Variants in ADGRL2 observed in about 807,000 individuals in gnomAD.
ADGRL2 encodes the protein calcium-independent alpha-latrotoxin receptor 2.
A neutral mutation model predicts 157.4 loss-of-function variants in ADGRL2; 44 were observed. That is an observed-to-expected ratio of 0.28 (90% CI 0.22 to 0.36). The LOEUF (loss-of-function observed/expected upper bound fraction) is 0.36, where lower values mean the gene tolerates loss of function less well. Among genes scored for constraint, ADGRL2 ranks in the 10% least tolerant of loss-of-function variants. The pLI, the probability that ADGRL2 is intolerant of heterozygous loss-of-function variation, is 1.00. For missense variants in ADGRL2, 1,510 were observed against 1,768.9 expected (o/e 0.85, Z 2.63); for synonymous variants, 585 against 624.7 (o/e 0.94, Z 0.95).
At chr1:81,697,928 A>G (rs375499273), upstream of ADGRL2, among the ~76,000 whole-genome samples, 2 of 152,252 alleles carry the variant, frequency 1.3e-5, no homozygotes, top group Admixed American at 6.5e-5. Context: ...TGTATTTTGC[A>G]TAATTAGACC....
chr1:81,463,632 T>C (rs528164271), intron 2 of ADGRL2, among the ~76,000 whole-genome samples: 2 of 152,344 alleles, frequency 1.3e-5, no homozygotes, highest in East Asian at 3.9e-4. Context: ...TCTTGTTTTA[T>C]GTGTCGTGGA....
At chr1:81,787,017 G>T (rs1444410570) in intron 2 of ADGRL2, among the ~76,000 whole-genome samples, 5 of 152,056 alleles carry the variant, frequency 3.3e-5, no homozygotes, top group Non-Finnish European at 7.4e-5. Context: ...TGTTCTCGTG[G>T]TAGTGAATAA....
intron 2 of ADGRL2, among the ~76,000 whole-genome samples, chr1:81,882,178 C>T (rs988286232): frequency 6.6e-6 from 1 of 152,092 alleles, no homozygotes; most frequent in Admixed American, 6.6e-5. Flanking sequence ...ATTAAAAAAT[C>T]AGCTTGGTGT....
intron 1 of ADGRL2, among the ~76,000 whole-genome samples, chr1:81,742,032 A>C (rs1454619597): frequency 4.6e-5 from 7 of 151,938 alleles, no homozygotes; most frequent in Admixed American, 4.6e-4. Context: ...CCCTAGGTTT[A>C]CATTAGCATG....
intron 3 of ADGRL2, among the ~76,000 whole-genome samples, chr1:81,614,485 C>G (rs889142495): frequency 3.3e-5 from 5 of 152,092 alleles, no homozygotes; most frequent in Non-Finnish European, 7.3e-5. Flanking sequence ...TTCTTTATTG[C>G]ATAGAAAGTA....
intron 1 of ADGRL2, among the ~76,000 whole-genome samples, chr1:81,408,500 C>A (rs1346382818): frequency 7.8e-6 from 1 of 128,914 alleles, no homozygotes; most frequent in Non-Finnish European, 1.7e-5. Context: ...AGCGTACAAA[C>A]CACATTAATT....
chr1:81,474,925 G>A (rs1015369193), intron 2 of ADGRL2, among the ~76,000 whole-genome samples: 5 of 152,026 alleles, frequency 3.3e-5, no homozygotes, highest in African/African-American at 1.2e-4. Context: ...CATAACTCTG[G>A]CAAAGATTTA....
chr1:81,313,263 G>A (rs1037063055), intron 1 of ADGRL2, among the ~76,000 whole-genome samples: 6 of 152,182 alleles, frequency 3.9e-5, no homozygotes, highest in Non-Finnish European at 8.8e-5. Context: ...CTAACAAAGT[G>A]AGGCTTAAAA....
At chr1:81,731,146 C>G (rs1219983734) in intron 1 of ADGRL2, among the ~76,000 whole-genome samples, 2 of 152,174 alleles carry the variant, frequency 1.3e-5, no homozygotes, top group Non-Finnish European at 2.9e-5. Context: ...AGCCTCCCTC[C>G]TGCTAGGGTC....
At position 81,969,945 on chromosome 1, in the gene ADGRL2, C is replaced by T. The variant is rs187527655; in HGVS notation, c.2734-369C>T. 6.1e-4 allele frequency among the ~76,000 whole-genome samples: 93 copies of T among 152,194 alleles called. 2 individuals carry two copies. In the East Asian group the frequency reaches 0.017, roughly 28 times the overall value. ...AGAAATAATATATTTGCAAACAACA[C>T]TTTTAAAGACTTGTGAAGCAAATCA... On this transcript the variant is annotated intron_variant, in intron 15 of 23. Coordinates refer to ENST00000686636, the MANE Select transcript of ADGRL2 (RefSeq NM_001366006.2).
At chr1:81,431,079 A>G (rs1054473513) in intron 1 of ADGRL2, among the ~76,000 whole-genome samples, 1 of 152,110 alleles carries the variant, frequency 6.6e-6, no homozygotes, top group African/African-American at 2.4e-5. Flanking sequence ...GGGCCCTCCA[A>G]AGTTCTTTTA....
intron 1 of ADGRL2, chr1:81,721,882 A>C: frequency 1.3e-6 from 1 of 751,176 alleles, no homozygotes; most frequent in Non-Finnish European, 2.4e-6. Context: ...GATAGTAAGA[A>C]GGTGGAGGAA....
chr1:81,601,848 C>T (rs763603621), intron 3 of ADGRL2, among the ~76,000 whole-genome samples: 5 of 152,068 alleles, frequency 3.3e-5, no homozygotes, highest in Non-Finnish European at 5.9e-5. Context: ...GGGTTTTTAA[C>T]AGTTTAGTGA....
chr1:81,766,680 A>T (rs1045993634), intron 2 of ADGRL2, among the ~76,000 whole-genome samples: 1 of 151,656 alleles, frequency 6.6e-6, no homozygotes, highest in African/African-American at 2.4e-5. Context: ...AAAATACAAA[A>T]TCAGCCGGGC....
chr1:81,626,147 T>C (rs2081904202), intron 3 of ADGRL2, among the ~76,000 whole-genome samples: 1 of 152,208 alleles, frequency 6.6e-6, no homozygotes, highest in Non-Finnish European at 1.5e-5. Context: ...AACTGGTTGC[T>C]TTCCAGCTGG....
At chr1:81,701,575 C>T (rs1421384687) in intron 1 of ADGRL2, among the ~76,000 whole-genome samples, 1 of 152,154 alleles carries the variant, frequency 6.6e-6, no homozygotes, top group Non-Finnish European at 1.5e-5. Context: ...AGATCAGCTT[C>T]AACCAAATTC....
chr1:81,408,728 T>G (rs1197171819), intron 1 of ADGRL2, among the ~76,000 whole-genome samples: 1 of 152,224 alleles, frequency 6.6e-6, no homozygotes, highest in Non-Finnish European at 1.5e-5. Flanking sequence ...CTATAATGGA[T>G]TTCAGAACTG....
chr1:81,899,093 C>T (rs2094444005), intron 2 of ADGRL2, among the ~76,000 whole-genome samples: 1 of 152,058 alleles, frequency 6.6e-6, no homozygotes, highest in Non-Finnish European at 1.5e-5. Context: ...AAAAACAGTA[C>T]AAGAAAAGTT....
At chr1:81,914,343 G>T (rs1412004249) in intron 3 of ADGRL2, among the ~76,000 whole-genome samples, 1 of 151,810 alleles carries the variant, frequency 6.6e-6, no homozygotes, top group Non-Finnish European at 1.5e-5. Context: ...CTCATTAATG[G>T]CATTTTTCAA....
Sources: allele counts gnomAD v4.1 joint callset (sites outside exome capture counted in the v4.1 genomes callset), GRCh38; gene constraint gnomAD v4.1.1; transcripts MANE v1.5; gene names NCBI Gene and HGNC (gene_info 2026-07-23, HGNC 2026-07-21).